ZBTB20: variants seen among roughly 807,000 people sequenced by gnomAD.
ZBTB20 encodes the protein zinc finger and BTB domain containing 20.
In ZBTB20, 9 loss-of-function variants were observed where a neutral mutation model predicts 56.9. The observed-to-expected ratio is 0.16, with a 90% CI of 0.10 to 0.28. The LOEUF (loss-of-function observed/expected upper bound fraction) is 0.28. Among genes scored for constraint, ZBTB20 ranks in the 10% least tolerant of loss-of-function variants. The pLI, the probability that ZBTB20 is intolerant of heterozygous loss-of-function variation, is 1.00. For synonymous variants in ZBTB20, 417 were observed against 420.7 expected, an observed-to-expected ratio of 0.99 and a Z score of 0.11; for missense variants, 655 against 1,003.0, an observed-to-expected ratio of 0.65 and a Z score of 4.69.
rs1355423391 is a variant in ZBTB20, at chr3:115,071,367, T to G, written c.-655A>C. ...TTGTAATGTAGACTGTGAGCAGAGATAAAATTCCAGAAGCCAAGGAGTGTT... is the reference window on the plus strand; with the variant it reads ...TTGTAATGTAGACTGTGAGCAGAGAGAAAATTCCAGAAGCCAAGGAGTGTT... On this transcript the variant is annotated 5_prime_UTR_variant, in exon 2 of 12. Coordinates refer to ENST00000675478, the MANE Select transcript of ZBTB20 (RefSeq NM_001348800.3). 1 of 152,140 alleles carries G rather than the reference T, an allele frequency of 6.6e-6. No individual in the cohort carries two copies. The highest frequency in any genetic ancestry group is 1.5e-5 in the Non-Finnish European group (1 of 68,018). The allele number at this position is 152,140 out of a possible 1,614,324, so 9.4% of individuals were successfully genotyped here.
At chr3:114,542,112 G>C (rs2049182436) in intron 6 of ZBTB20, among the ~76,000 whole-genome samples, 1 of 152,106 alleles carries the variant, frequency 6.6e-6, no homozygotes, top group South Asian at 2.1e-4. Flanking sequence ...GTTTCATTAA[G>C]TTAGGTATTT....
chr3:114,908,282 A>T (rs531701228), intron 3 of ZBTB20, among the ~76,000 whole-genome samples: 1 of 152,136 alleles, frequency 6.6e-6, no homozygotes, highest in African/African-American at 2.4e-5. Context: ...ATATATAAAC[A>T]TCAAATACAT....
At position 114,711,283 on chromosome 3, in the gene ZBTB20, T is replaced by C. The variant is rs558736372; in HGVS notation, c.-342-17708A>G. 9.2e-5 allele frequency among the ~76,000 whole-genome samples: 14 copies of C among 152,304 alleles called. No homozygotes were observed. The East Asian group carries it at 1.9e-3, about 21-fold the overall frequency. On this transcript the variant is annotated intron_variant, in intron 5 of 11. Coordinates refer to ENST00000675478, the MANE Select transcript of ZBTB20 (RefSeq NM_001348800.3). Reference sequence around the variant, plus strand: ...AACTTTGTTTAATTTCTCACTATATTCCCAGTAATTAGAACAATGTCTGAA... The same window carrying C: ...AACTTTGTTTAATTTCTCACTATATCCCCAGTAATTAGAACAATGTCTGAA...
chr3:114,475,079 A>G (rs1287183403), intron 7 of ZBTB20, among the ~76,000 whole-genome samples: 1 of 152,120 alleles, frequency 6.6e-6, no homozygotes, highest in Non-Finnish European at 1.5e-5. Flanking sequence ...GTCCCAATAT[A>G]CTTTTACCGC....
intron 1 of ZBTB20, among the ~76,000 whole-genome samples, chr3:115,132,561 T>C (rs2084537730): frequency 1.3e-5 from 2 of 152,188 alleles, no homozygotes; most frequent in Non-Finnish European, 2.9e-5. Context: ...ATTGTGATGG[T>C]TCCTTGTTTA....
At chr3:114,711,648 G>A (rs1308598093) in intron 5 of ZBTB20, among the ~76,000 whole-genome samples, 6 of 152,160 alleles carry the variant, frequency 3.9e-5, no homozygotes, top group Non-Finnish European at 5.9e-5. Flanking sequence ...AAGTTAGACT[G>A]GCATCAAATG....
chr3:114,940,408 A>G (rs2076687889), intron 3 of ZBTB20, among the ~76,000 whole-genome samples: 1 of 143,974 alleles, frequency 6.9e-6, no homozygotes, highest in African/African-American at 2.9e-5. Context: ...TTTTTTTTGG[A>G]AAGTATCCCA....
intron 2 of ZBTB20, among the ~76,000 whole-genome samples, chr3:114,990,053 G>A: frequency 6.6e-6 from 1 of 152,246 alleles, no homozygotes; most frequent in Non-Finnish European, 1.5e-5. Flanking sequence ...TGCAAACAGG[G>A]ACAATTTGAC....
intron 6 of ZBTB20, among the ~76,000 whole-genome samples, chr3:114,593,797 G>A (rs1235656435): frequency 6.6e-6 from 1 of 152,088 alleles, no homozygotes; most frequent in Non-Finnish European, 1.5e-5. Flanking sequence ...TCTGTTGAGT[G>A]GTGCCTATCA....
At chr3:115,063,540 A>G (rs1436782287) in intron 2 of ZBTB20, among the ~76,000 whole-genome samples, 2 of 152,154 alleles carry the variant, frequency 1.3e-5, no homozygotes, top group East Asian at 3.9e-4. Flanking sequence ...ATGCCATCAC[A>G]TTAAAGATTA....
intron 4 of ZBTB20, among the ~76,000 whole-genome samples, chr3:114,830,459 T>TC (rs1237128201): frequency 1.3e-5 from 2 of 151,910 alleles, no homozygotes; most frequent in Admixed American, 1.3e-4. Flanking sequence ...AAGCTTCCTT[T>TC]CCCAAATAAG....
chr3:114,817,192 TACACACACACACAC>T (rs56294507), intron 4 of ZBTB20, among the ~76,000 whole-genome samples: 8 of 145,810 alleles, frequency 5.5e-5, no homozygotes, highest in East Asian at 2.0e-4. Context: ...ATACAACTTA[TACACACACACACAC>T]ACACACACAC....
At chr3:114,493,941 A>C (rs575646406) in intron 7 of ZBTB20, among the ~76,000 whole-genome samples, 11 of 152,300 alleles carry the variant, frequency 7.2e-5, no homozygotes, top group Non-Finnish European at 1.2e-4. Context: ...TGTCCAGTAA[A>C]ATTTGGCTGA....
chr3:114,392,814 C>T (rs1229828110), intron 7 of ZBTB20, among the ~76,000 whole-genome samples: 1 of 152,126 alleles, frequency 6.6e-6, no homozygotes, highest in East Asian at 1.9e-4. Flanking sequence ...TCTTCTCTAT[C>T]CTTATCCTCA....
chr3:114,507,766 A>G (rs1559886014), intron 6 of ZBTB20, among the ~76,000 whole-genome samples: 1 of 152,146 alleles, frequency 6.6e-6, no homozygotes, highest in African/African-American at 2.4e-5. Context: ...AAAATTCTAT[A>G]AAATGTTCAC....
intron 7 of ZBTB20, among the ~76,000 whole-genome samples, chr3:114,483,114 T>C (rs1038228659): frequency 2.0e-5 from 3 of 152,344 alleles, no homozygotes; most frequent in South Asian, 2.1e-4. Flanking sequence ...TCTCTTTTAC[T>C]TTCTCATTGT....
At chr3:114,981,961 T>C (rs560462597) in intron 2 of ZBTB20, among the ~76,000 whole-genome samples, 1 of 152,192 alleles carries the variant, frequency 6.6e-6, no homozygotes, top group African/African-American at 2.4e-5. Context: ...AAAAATTCAT[T>C]TGGTGAATTG....
chr3:114,708,503 A>T (rs1231554758), intron 5 of ZBTB20, among the ~76,000 whole-genome samples: 2 of 152,204 alleles, frequency 1.3e-5, no homozygotes. Context: ...TTTAGAAGCA[A>T]GAATGTTTAC....
intron 7 of ZBTB20, among the ~76,000 whole-genome samples, chr3:114,465,574 G>A (rs1226599818): frequency 6.6e-6 from 1 of 152,026 alleles, no homozygotes; most frequent in East Asian, 1.9e-4. Flanking sequence ...AGGCATGGTG[G>A]CACACGCCTG....
Sources: allele counts gnomAD v4.1 joint callset (sites outside exome capture counted in the v4.1 genomes callset), GRCh38; gene constraint gnomAD v4.1.1; transcripts MANE v1.5; gene names NCBI Gene and HGNC (gene_info 2026-07-23, HGNC 2026-07-21).